The following DENND2B variants were observed in gnomAD, a reference collection of about 807,000 sequenced individuals.
DENND2B encodes the protein DENN domain-containing protein 2B.
In DENND2B, 32 loss-of-function variants were observed where a neutral mutation model predicts 116.0. The ratio of observed to expected loss-of-function variants is 0.28; its 90% CI spans 0.21 to 0.37. The LOEUF (loss-of-function observed/expected upper bound fraction) is 0.37, where lower values mean the gene tolerates loss of function less well. DENND2B is among the 10% of genes least tolerant of loss of function. The probability of loss-of-function intolerance (pLI) is 1.00; values close to 1 mark genes in which losing one functional copy is unlikely to be tolerated. For missense variants in DENND2B, 1,276 were observed against 1,477.7 expected, an observed-to-expected ratio of 0.86 and a Z score of 2.24; for synonymous variants, 588 against 583.9, an observed-to-expected ratio of 1.01 and a Z score of -0.10.
In DENND2B at chr11:8,719,108, G is replaced by A. The variant is rs1236593248; in HGVS notation, c.1478-1216C>T. On this transcript the variant is annotated intron_variant, in intron 4 of 19. Transcript: ENST00000313726. ...GTCTGAATGTGCCTTACGCCCCAGAGGAACTCAGACCCCACTCCTCAGGAA... is the reference window on the plus strand; with the variant it reads ...GTCTGAATGTGCCTTACGCCCCAGAAGAACTCAGACCCCACTCCTCAGGAA... 5 of 985,450 alleles carry A rather than the reference G, an allele frequency of 5.1e-6. No individual in the cohort carries two copies. In the African/African-American group the frequency reaches 5.2e-5, roughly 10 times the overall value. 61.0% of individuals were successfully genotyped at this position (985,450 alleles called of 1,614,324 possible).
At chr11:8,756,107 C>T (rs72858272) in intron 1 of DENND2B, among the ~76,000 whole-genome samples, 1,892 of 152,280 alleles carry the variant, frequency 0.012, 24 homozygotes, top group Non-Finnish European at 0.022. Context: ...CATCACCATC[C>T]ATGAAAACAA....
intron 1 of DENND2B, among the ~76,000 whole-genome samples, chr11:8,906,435 G>A (rs749322909): frequency 4.8e-5 from 7 of 146,614 alleles, no homozygotes; most frequent in African/African-American, 1.0e-4. Flanking sequence ...TCCTGGCCTC[G>A]TGATCTGCCC....
exon 1 of DENND2B, chr11:8,910,939 A>ACCCCCGC (rs1345255371): frequency 3.2e-5 from 3 of 92,970 alleles, no homozygotes; most frequent in African/African-American, 5.4e-5. Flanking sequence ...CCAGCCCCCG[A>ACCCCCGC]CCCCCGACCC....
chr11:8,792,546 A>G (rs1246177978), intron 1 of DENND2B, among the ~76,000 whole-genome samples: 1 of 152,236 alleles, frequency 6.6e-6, no homozygotes, highest in African/African-American at 2.4e-5. Flanking sequence ...AAGAGTCCTA[A>G]TGCCGTATGT....
At chr11:8,874,461 G>A (rs2063822273), upstream of DENND2B, among the ~76,000 whole-genome samples, 1 of 152,140 alleles carries the variant, frequency 6.6e-6, no homozygotes, top group Non-Finnish European at 1.5e-5. Flanking sequence ...TGAGTTGTCT[G>A]GGTTTTCTGG....
intron 1 of DENND2B, among the ~76,000 whole-genome samples, chr11:8,802,692 C>T (rs539858151): frequency 1.3e-5 from 2 of 152,306 alleles, no homozygotes; most frequent in South Asian, 4.1e-4. Context: ...AAAACACTGG[C>T]ATTTTTCGCC....
intron 18 of DENND2B, chr11:8,696,003 A>C: frequency 4.0e-6 from 1 of 248,864 alleles, no homozygotes; most frequent in Non-Finnish European, 7.8e-6. Flanking sequence ...AAAACAAGAT[A>C]ACCATCTGCC....
At chr11:8,891,886 C>G (rs549295872) in intron 1 of DENND2B, among the ~76,000 whole-genome samples, 2 of 152,260 alleles carry the variant, frequency 1.3e-5, no homozygotes, top group African/African-American at 4.8e-5. Context: ...CTGCACCAAG[C>G]GGACCTAATA....
chr11:8,753,269 A>G (rs2052889335), intron 1 of DENND2B, among the ~76,000 whole-genome samples: 1 of 152,246 alleles, frequency 6.6e-6, no homozygotes, highest in Non-Finnish European at 1.5e-5. Context: ...TTATTTCTAT[A>G]TACTAACAAC....
At chr11:8,801,912 A>C (rs1368246234) in intron 1 of DENND2B, among the ~76,000 whole-genome samples, 1 of 146,392 alleles carries the variant, frequency 6.8e-6, no homozygotes, top group African/African-American at 2.5e-5. Flanking sequence ...GGATCGCTTG[A>C]GCCAGGGAGG....
intron 1 of DENND2B, among the ~76,000 whole-genome samples, chr11:8,773,841 G>C (rs1418207602): frequency 1.3e-5 from 2 of 152,090 alleles, no homozygotes; most frequent in Non-Finnish European, 2.9e-5. Context: ...GGAACTCTCT[G>C]TCTCTCTGTA....
intron 1 of DENND2B, among the ~76,000 whole-genome samples, chr11:8,895,970 G>A (rs998857749): frequency 6.6e-6 from 1 of 152,080 alleles, no homozygotes; most frequent in African/African-American, 2.4e-5. Flanking sequence ...GAAAAAAAAT[G>A]TGGAGGGTAT....
intron 4 of DENND2B, 178 bp from the exon 5 acceptor site, chr11:8,718,070 C>G: frequency 3.4e-6 from 2 of 593,074 alleles, no homozygotes; most frequent in Non-Finnish European, 5.8e-6. Flanking sequence ...CAAACAGATC[C>G]TGGCTCCAAG....
At chr11:8,863,346 T>TCCCAGGTTTACACCATTCTCCTGC (rs543669262) in intron 2 of DENND2B, among the ~76,000 whole-genome samples, 1 of 81,270 alleles carries the variant, frequency 1.2e-5, no homozygotes, top group African/African-American at 4.5e-5. Flanking sequence ...AAGCTCCACC[T>TCCCAGGTTTACACCATTCTCCTGC]CTCAGCCTCC....
intron 1 of DENND2B, among the ~76,000 whole-genome samples, chr11:8,802,058 T>A (rs1302361773): frequency 1.3e-5 from 2 of 149,794 alleles, no homozygotes; most frequent in African/African-American, 4.9e-5. Context: ...CCCAGCACTT[T>A]GGGAGGCCTA....
intron 1 of DENND2B, chr11:8,776,625 C>T (rs999244117): frequency 1.0e-5 from 2 of 200,754 alleles, no homozygotes; most frequent in African/African-American, 4.6e-5. Context: ...GGTCTTCTTA[C>T]CTTTCAAGAC....
intron 4 of DENND2B, among the ~76,000 whole-genome samples, chr11:8,829,026 CGTGT>C (rs991469537): frequency 7.5e-6 from 1 of 133,008 alleles, no homozygotes; most frequent in African/African-American, 2.9e-5. Context: ...GTGTGTTGTG[CGTGT>C]GTGTGTATGG....
At chr11:8,891,881 C>A (rs1594348193) in intron 1 of DENND2B, among the ~76,000 whole-genome samples, 2 of 152,172 alleles carry the variant, frequency 1.3e-5, no homozygotes, top group Non-Finnish European at 2.9e-5. Context: ...CAGCTCTGCA[C>A]CAAGCGGACC....
At chr11:8,789,748 G>A (rs1234426670) in intron 1 of DENND2B, among the ~76,000 whole-genome samples, 1 of 137,502 alleles carries the variant, frequency 7.3e-6, no homozygotes, top group African/African-American at 2.7e-5. Context: ...TCCCAGCCTG[G>A]GCAACACAAC....
Sources: allele counts gnomAD v4.1 joint callset (sites outside exome capture counted in the v4.1 genomes callset), GRCh38; gene constraint gnomAD v4.1.1; transcripts MANE v1.5; gene names NCBI Gene and HGNC (gene_info 2026-07-23, HGNC 2026-07-21).